Variants in SCCPDH observed in about 807,000 individuals in gnomAD.
SCCPDH encodes the protein saccharopine dehydrogenase (putative), also known as saccharopine dehydrogenase-like oxidoreductase.
SCCPDH carries 34 observed loss-of-function variants against 51.5 expected under a neutral mutation model. That is an observed-to-expected ratio of 0.66 (90% confidence interval 0.50 to 0.88). The LOEUF is 0.88. SCCPDH is among the 40% of genes least tolerant of loss of function. SCCPDH has a pLI of 0.00. For synonymous variants in SCCPDH, 187 were observed against 191.3 expected, an observed-to-expected ratio of 0.98 and a Z score of 0.19; for missense variants, 464 against 527.1, an observed-to-expected ratio of 0.88 and a Z score of 1.17.
At chr1:246,728,145 G>A (rs1390946198) in intron 2 of SCCPDH, among the ~76,000 whole-genome samples, 1 of 152,172 alleles carries the variant, frequency 6.6e-6, no homozygotes, top group East Asian at 1.9e-4. Context: ...CAGACTTTTG[G>A]CCTGTGTAAC....
rs1345463228 is a variant in SCCPDH at position 246,724,591 on chromosome 1, G to A, written c.169G>A (p.Glu57Lys). The change falls in exon 1 of 12, where the codon GAG becomes AAG. Residue 57 changes from glutamate (E) to lysine (K), a missense_variant. Physicochemically the swap from Glu to Lys is moderately conservative, Grantham distance 56. Coordinates refer to ENST00000366510, the MANE Select transcript of SCCPDH (RefSeq NM_016002.3). The part of the protein sequence containing the change: ...RSREKLQRVL[E>K]KAALKLGRPT... Reference sequence around the variant, plus strand: ...CCGGGAGAAGCTGCAGCGGGTGCTGGAGAAGGCGGCCCTGAAGCTGGGTAC... The same window carrying A: ...CCGGGAGAAGCTGCAGCGGGTGCTGAAGAAGGCGGCCCTGAAGCTGGGTAC... 3 of 1,508,754 alleles carry A rather than the reference G, an allele frequency of 2.0e-6. No homozygotes were observed. Among genetic ancestry groups the A allele is most frequent in the Non-Finnish European group, 8.8e-7 (1 of 1,132,080 alleles). 93.5% of individuals were successfully genotyped at this position (1,508,754 alleles called of 1,614,324 possible). A position where few individuals can be genotyped will look rare whatever the true frequency, so the allele number is the denominator to read the frequency against.
Position 246,766,112 on chromosome 1 carries a change from T to C in SCCPDH, c.1157T>C (p.Leu386Pro), listed in dbSNP as rs1416299729. 2 of 1,613,170 alleles carry C rather than the reference T, an allele frequency of 1.2e-6. No homozygotes were observed. Among genetic ancestry groups the C allele is most frequent in the East Asian group, 2.2e-5 (1 of 44,874 alleles). Residue 386 changes from leucine to proline, a missense_variant, in exon 11 of 12, where the codon CTA (leucine) becomes CCA (proline). Transcript: ENST00000366510. ...IAMVQAAMTLLSDASHLPKAG... is the reference protein window; with the variant it reads ...IAMVQAAMTLPSDASHLPKAG... ...ATGGTTCAGGCAGCCATGACTCTTC[T>C]AAGTGATGCTTCTCATCTGCCTAAG... is the stretch of plus-strand genomic sequence containing the variant.
chr1:246,742,612 A>C (rs1207772613), intron 4 of SCCPDH, among the ~76,000 whole-genome samples: 1 of 152,206 alleles, frequency 6.6e-6, no homozygotes, highest in African/African-American at 2.4e-5. Flanking sequence ...CTGTGGTCAG[A>C]CTAACGACAT....
chr1:246,761,632 A>T (rs1047241087), intron 9 of SCCPDH, among the ~76,000 whole-genome samples: 1 of 152,194 alleles, frequency 6.6e-6, no homozygotes, highest in Non-Finnish European at 1.5e-5. Context: ...CAAGTGCCTC[A>T]TGTAAATGGA....
chr1:246,743,903 C>T (rs1052507338), intron 4 of SCCPDH, among the ~76,000 whole-genome samples, 173 bp from the exon 5 acceptor site: 17 of 152,174 alleles, frequency 1.1e-4, no homozygotes, highest in African/African-American at 3.9e-4. Context: ...ATAGCTACTT[C>T]GTAAGTCTGT....
chr1:246,746,185 A>T (rs996233370), intron 5 of SCCPDH, among the ~76,000 whole-genome samples: 1 of 151,864 alleles, frequency 6.6e-6, no homozygotes, highest in Non-Finnish European at 1.5e-5. Flanking sequence ...ATCTCCAACA[A>T]CTGAGCTCCC....
intron 2 of SCCPDH, among the ~76,000 whole-genome samples, chr1:246,727,758 G>T (rs939676921): frequency 9.9e-5 from 15 of 152,202 alleles, no homozygotes; most frequent in African/African-American, 3.6e-4. Context: ...TGAGATGCCA[G>T]TGTGCTTGGC....
At chr1:246,763,565 T>G (rs4926448) in intron 9 of SCCPDH, among the ~76,000 whole-genome samples, 1 of 151,942 alleles carries the variant, frequency 6.6e-6, no homozygotes, top group Non-Finnish European at 1.5e-5. Context: ...CCCTCTGCCC[T>G]GGTAGATTAA....
rs1383362125 is a variant in SCCPDH at position 246,767,603 on chromosome 1, CTG to C, written c.*307_*308del. The C allele has an allele frequency of 5.6e-6, 1 of 177,940 alleles. No individual in the cohort carries two copies. Among genetic ancestry groups the C allele is most frequent in the African/African-American group, 2.4e-5 (1 of 42,320 alleles). 11.0% of individuals were successfully genotyped at this position (177,940 alleles called of 1,614,324 possible). On this transcript the variant is annotated 3_prime_UTR_variant, in exon 12 of 12. Transcript: ENST00000366510. ...CTAATGGGGGAGGCGGCGTCCCAGT[CTG>C]TGTTGCAGCAGCATTCTCATCGGGG...
chr1:246,729,331 C>T (rs1668454065), intron 2 of SCCPDH, among the ~76,000 whole-genome samples: 1 of 151,926 alleles, frequency 6.6e-6, no homozygotes, highest in African/African-American at 2.4e-5. Context: ...GAGGGTGCTG[C>T]AGGAGACCAG....
At chr1:246,760,543 ATTC>A (rs139552076) in intron 9 of SCCPDH, among the ~76,000 whole-genome samples, 6,699 of 152,046 alleles carry the variant, frequency 0.044, 485 homozygotes, top group African/African-American at 0.15. Flanking sequence ...AATCTCAAAT[ATTC>A]TTCTTCCTCC....
intron 10 of SCCPDH, 145 bp downstream of exon 10, chr1:246,764,502 A>C: frequency 2.0e-6 from 1 of 503,180 alleles, no homozygotes; most frequent in Non-Finnish European, 3.4e-6. Context: ...TTATTCTGTC[A>C]AAGGAAGATT....
In SCCPDH at chr1:246,735,955, T is replaced by C. The variant is rs1194760345; in HGVS notation, c.304-20T>C. On this transcript the variant is annotated intron_variant, in intron 2 of 11. Coordinates refer to ENST00000366510, the MANE Select transcript of SCCPDH (RefSeq NM_016002.3). ...ACTTGTCAAGCAAGAATAACCTCTTTGTTCTTTTTGTTTCCCTAGTATCGG... is the reference window on the plus strand; with the variant it reads ...ACTTGTCAAGCAAGAATAACCTCTTCGTTCTTTTTGTTTCCCTAGTATCGG... 1.3e-6 allele frequency: 2 copies of C among 1,526,288 alleles called. No homozygotes were observed. Among genetic ancestry groups the C allele is most frequent in the South Asian group, 1.2e-5 (1 of 86,698 alleles). The allele number at this position is 1,526,288 out of a possible 1,614,324, so 94.5% of individuals were successfully genotyped here.
chr1:246,745,890 C>T (rs1300874456), intron 5 of SCCPDH, among the ~76,000 whole-genome samples: 3 of 151,758 alleles, frequency 2.0e-5, no homozygotes, highest in Non-Finnish European at 2.9e-5. Flanking sequence ...GGGCAGATCA[C>T]GAGGTCAGGA....
intron 9 of SCCPDH, 45 bp downstream of exon 9, chr1:246,760,272 T>C (rs1047034129): frequency 3.2e-5 from 49 of 1,513,012 alleles, no homozygotes; most frequent in Non-Finnish European, 4.3e-5. Context: ...TTTTTCTTTG[T>C]GCAATGACGG....
At chr1:246,753,676 T>A (rs988541393) in intron 5 of SCCPDH, among the ~76,000 whole-genome samples, 23 of 152,040 alleles carry the variant, frequency 1.5e-4, no homozygotes, top group African/African-American at 5.3e-4. Flanking sequence ...AGAAGGGTGT[T>A]CACGTTCCAA....
intron 5 of SCCPDH, among the ~76,000 whole-genome samples, chr1:246,756,832 A>G (rs1668939217): frequency 6.6e-6 from 1 of 152,216 alleles, no homozygotes; most frequent in Admixed American, 6.5e-5. Context: ...TTTGTTTATT[A>G]ACAATGAAAG....
intron 6 of SCCPDH, among the ~76,000 whole-genome samples, chr1:246,758,662 C>T (rs951464469): frequency 8.5e-5 from 13 of 152,262 alleles, no homozygotes; most frequent in Non-Finnish European, 1.5e-4. Flanking sequence ...CTTATGATGA[C>T]TTTTCACTAT....
chr1:246,767,329 C>T lies in SCCPDH; in HGVS notation c.*29C>T, dbSNP rs775466983. 1.7e-5 allele frequency: 23 copies of T among 1,354,290 alleles called. No homozygotes were observed. Among genetic ancestry groups the T allele is most frequent in the African/African-American group, 7.3e-5 (5 of 68,170 alleles). 83.9% of individuals were successfully genotyped at this position (1,354,290 alleles called of 1,614,324 possible). ...CTGGAAGAATTAACTGAAGTCATAA[C>T]GTGCGTGAATTAACAGCTTCTCTAT... On this transcript the variant is annotated 3_prime_UTR_variant, in exon 12 of 12. Coordinates refer to ENST00000366510, the MANE Select transcript of SCCPDH (RefSeq NM_016002.3).
Sources: gnomAD v4.1 joint callset for allele counts (sites outside exome capture counted in the v4.1 genomes callset) on GRCh38, gnomAD v4.1.1 for gene constraint, MANE v1.5 for transcripts, NCBI Gene and HGNC (gene_info 2026-07-23, HGNC 2026-07-21) for gene names.